GREB1L: variants seen among roughly 807,000 people sequenced by gnomAD.
GREB1L encodes the protein GREB1 like retinoic acid receptor coactivator, also known as GREB1-like protein.
GREB1L carries 17 observed loss-of-function variants against 200.8 expected under a neutral mutation model. The observed-to-expected ratio is 0.08, with a 90% CI of 0.06 to 0.13. The LOEUF is 0.13. GREB1L is among the 10% of genes least tolerant of loss of function. GREB1L has a pLI of 1.00. For missense variants in GREB1L, 1,657 were observed against 2,367.7 expected, an observed-to-expected ratio of 0.70 and a Z score of 6.23; for synonymous variants, 789 against 893.0, an observed-to-expected ratio of 0.88 and a Z score of 2.08.
intron 7 of GREB1L, among the ~76,000 whole-genome samples, chr18:21,425,695 G>C (rs1443603821): frequency 6.6e-6 from 1 of 152,180 alleles, no homozygotes; most frequent in Non-Finnish European, 1.5e-5. Flanking sequence ...TTTCCTTGAA[G>C]AAGTATCTAT....
chr18:21,346,515 T>C (rs2039347815), intron 1 of GREB1L, among the ~76,000 whole-genome samples: 1 of 151,964 alleles, frequency 6.6e-6, no homozygotes, highest in Non-Finnish European at 1.5e-5. Context: ...CACTTGGGAG[T>C]CTAGACCAAG....
intron 1 of GREB1L, among the ~76,000 whole-genome samples, chr18:21,263,867 C>G (rs180675864): frequency 6.6e-6 from 1 of 152,218 alleles, no homozygotes; most frequent in African/African-American, 2.4e-5. Flanking sequence ...TTTCATAAGA[C>G]AAGAACAACC....
intron 1 of GREB1L, among the ~76,000 whole-genome samples, chr18:21,345,042 G>A (rs1191435785): frequency 1.3e-5 from 2 of 152,096 alleles, no homozygotes; most frequent in Non-Finnish European, 2.9e-5. Flanking sequence ...TCAGCAGGCT[G>A]CTCCTCTCAC....
intron 1 of GREB1L, among the ~76,000 whole-genome samples, chr18:21,292,616 C>T (rs2038467755): frequency 6.6e-6 from 1 of 152,150 alleles, no homozygotes; most frequent in African/African-American, 2.4e-5. Flanking sequence ...ATGTGTCGCC[C>T]TTTGTGTCTG....
intron 1 of GREB1L, among the ~76,000 whole-genome samples, chr18:21,342,758 C>T (rs1353520936): frequency 1.3e-5 from 2 of 152,060 alleles, no homozygotes; most frequent in African/African-American, 4.8e-5. Context: ...TTCATCTGTC[C>T]CCCAAAAGAG....
chr18:21,434,066 T>TA (rs1411491191), intron 7 of GREB1L, among the ~76,000 whole-genome samples: 1 of 152,140 alleles, frequency 6.6e-6, no homozygotes, highest in African/African-American at 2.4e-5. Flanking sequence ...AAAAAAAAAC[T>TA]AAAGCAACTT....
rs150574543 is a variant in GREB1L, at chr18:21,501,147, C to CT, written c.4072+511dup. Among the ~76,000 whole-genome samples the CT allele has an allele frequency of 9.3e-3, 1,411 of 151,428 alleles. 19 individuals carry two copies. The highest frequency in any genetic ancestry group is 0.038 in the East Asian group (196 of 5,152). On this transcript the variant is annotated intron_variant, in intron 23 of 32. Coordinates refer to ENST00000424526, the MANE Select transcript of GREB1L (RefSeq NM_001142966.3). ...CAAATAGTTCTGAGTAAACTGTAGCCTTTTTTAGCTCATTGAGGTCAGGGA... is the reference window on the plus strand; with the variant it reads ...CAAATAGTTCTGAGTAAACTGTAGCCTTTTTTTAGCTCATTGAGGTCAGGGA...
In GREB1L at chr18:21,308,256, T is replaced by A. The variant is rs1027302315; in HGVS notation, c.-119-57771T>A. ...CTCCTTTACCTTCTTTAGTATTCAG[T>A]CAACGTTTATGAAATAGCTACTGTA... On this transcript the variant is annotated intron_variant, in intron 1 of 32. Transcript: ENST00000424526. Among the ~76,000 whole-genome samples, 19 of 152,304 alleles carry A rather than the reference T, an allele frequency of 1.2e-4. 1 individual carries two copies. Among genetic ancestry groups the A allele is most frequent in the Admixed American group, 9.8e-4 (15 of 15,300 alleles).
rs114207644 is a variant in GREB1L, at chr18:21,308,025, C to T, written c.-119-58002C>T. On this transcript the variant is annotated intron_variant, in intron 1 of 32. Coordinates refer to ENST00000424526, the MANE Select transcript of GREB1L (RefSeq NM_001142966.3). ...ATAGTTGCTTTCAGATAAATTTCTA[C>T]AAGTTATGCTAATTTGGATGTGCCA... Among the ~76,000 whole-genome samples, 788 of 152,348 alleles carry T rather than the reference C, an allele frequency of 5.2e-3. 7 individuals carry two copies. Among genetic ancestry groups the T allele is most frequent in the African/African-American group, 0.017 (710 of 41,590 alleles).
chr18:21,319,964 G>A (rs1241193090), intron 1 of GREB1L, among the ~76,000 whole-genome samples: 1 of 152,212 alleles, frequency 6.6e-6, no homozygotes, highest in Non-Finnish European at 1.5e-5. Flanking sequence ...CAGTCTGTGG[G>A]TAAGGCATGG....
chr18:21,426,958 C>CAAAAAAAAAAAAA (rs568993346), intron 7 of GREB1L, among the ~76,000 whole-genome samples: 4 of 68,422 alleles, frequency 5.8e-5, no homozygotes, highest in East Asian at 3.4e-4. Context: ...GACTACGTCT[C>CAAAAAAAAAAAAA]AAAAAAAAAA....
intron 1 of GREB1L, among the ~76,000 whole-genome samples, chr18:21,350,012 T>G (rs1389295970): frequency 6.6e-6 from 1 of 152,054 alleles, no homozygotes; most frequent in Non-Finnish European, 1.5e-5. Context: ...TTGTTTCTGT[T>G]TCTTCAGAGT....
chr18:21,442,160 A>AG (rs957319970), intron 10 of GREB1L, among the ~76,000 whole-genome samples: 2 of 152,206 alleles, frequency 1.3e-5, no homozygotes, highest in African/African-American at 4.8e-5. Context: ...ATAGACATTT[A>AG]GGGGTCCCTA....
chr18:21,272,820 T>C (rs2038099683), intron 1 of GREB1L, among the ~76,000 whole-genome samples: 1 of 152,254 alleles, frequency 6.6e-6, no homozygotes, highest in African/African-American at 2.4e-5. Context: ...ATTGAATTAA[T>C]GTCCAAATAG....
At chr18:21,330,230 C>T (rs1415287859) in intron 1 of GREB1L, among the ~76,000 whole-genome samples, 2 of 152,160 alleles carry the variant, frequency 1.3e-5, no homozygotes, top group African/African-American at 4.8e-5. Context: ...CGAGCTGCAG[C>T]CCTGGCTCGT....
rs2038061744 is a variant in GREB1L, at chr18:21,270,539, A to G, written c.-120+28146A>G. On this transcript the variant is annotated intron_variant, in intron 1 of 32. Coordinates refer to ENST00000424526, the MANE Select transcript of GREB1L (RefSeq NM_001142966.3). ...GCCCAGGGTGTAAGAGTTCATAGGG[A>G]TAGGAGAGGGCACACACCCACTCTT... Among the ~76,000 whole-genome samples the G allele has an allele frequency of 2.6e-5, 4 of 152,126 alleles. No homozygotes were observed. In the South Asian group the frequency reaches 8.3e-4, roughly 32 times the overall value.
At chr18:21,271,420 G>C (rs1396366682) in intron 1 of GREB1L, among the ~76,000 whole-genome samples, 2 of 151,822 alleles carry the variant, frequency 1.3e-5, no homozygotes, top group Admixed American at 6.6e-5. Context: ...GCCAAGGCAG[G>C]AGGACCACTT....
At chr18:21,290,393 A>G (rs1251152588) in intron 1 of GREB1L, among the ~76,000 whole-genome samples, 1 of 152,240 alleles carries the variant, frequency 6.6e-6, no homozygotes, top group South Asian at 2.1e-4. Flanking sequence ...TGAAATCACA[A>G]TACTCTAATA....
At chr18:21,248,235 A>G (rs1389000929) in intron 1 of GREB1L, among the ~76,000 whole-genome samples, 3 of 152,164 alleles carry the variant, frequency 2.0e-5, no homozygotes, top group Non-Finnish European at 4.4e-5. Context: ...GGTGGACAAG[A>G]AAGTCTGAGG....
Sources: allele counts gnomAD v4.1 joint callset (sites outside exome capture counted in the v4.1 genomes callset), GRCh38; gene constraint gnomAD v4.1.1; transcripts MANE v1.5; gene names NCBI Gene and HGNC (gene_info 2026-07-23, HGNC 2026-07-21).